Variants in ASXL2 observed in about 807,000 individuals in gnomAD.
ASXL2 encodes ASXL transcriptional regulator 2, also known as putative Polycomb group protein ASXL2.
ASXL2 carries 23 observed loss-of-function variants against 122.0 expected under a neutral mutation model. That is an observed-to-expected ratio of 0.19 (90% CI 0.14 to 0.27). ASXL2 has a LOEUF of 0.27. ASXL2 is among the 10% of genes least tolerant of loss of function. The pLI is 1.00. For synonymous variants in ASXL2, 650 were observed against 637.0 expected (o/e 1.02, Z -0.31); for missense variants, 1,518 against 1,713.8 (o/e 0.89, Z 2.02).
At chr2:25,784,023 C>A (rs1488784785) in intron 5 of ASXL2, among the ~76,000 whole-genome samples, 3 of 151,184 alleles carry the variant, frequency 2.0e-5, no homozygotes. Flanking sequence ...CACTGCACTC[C>A]AGCCTGGGCG....
At chr2:25,867,949 T>C (rs2089923151) in intron 1 of ASXL2, among the ~76,000 whole-genome samples, 1 of 152,216 alleles carries the variant, frequency 6.6e-6, no homozygotes. Context: ...GTATTACTAT[T>C]AGATTGCTAT....
intron 3 of ASXL2, among the ~76,000 whole-genome samples, chr2:25,807,889 A>C (rs763624757): frequency 6.6e-5 from 10 of 152,008 alleles, no homozygotes; most frequent in Non-Finnish European, 1.3e-4. Context: ...ATTTCCTGTG[A>C]AACAACTTTT....
intron 1 of ASXL2, among the ~76,000 whole-genome samples, chr2:25,875,368 T>C (rs2090001843): frequency 6.6e-6 from 1 of 152,112 alleles, no homozygotes; most frequent in Non-Finnish European, 1.5e-5. Context: ...CTTGGGAAGC[T>C]AGGACAGGAT....
intron 12 of ASXL2, among the ~76,000 whole-genome samples, chr2:25,747,719 T>C (rs999213269): frequency 2.0e-5 from 3 of 151,350 alleles, no homozygotes; most frequent in African/African-American, 7.3e-5. Context: ...AAGCTGTGAA[T>C]GACATTGAAG....
chr2:25,833,631 G>A (rs552865169), intron 3 of ASXL2, among the ~76,000 whole-genome samples: 24 of 152,228 alleles, frequency 1.6e-4, no homozygotes, highest in African/African-American at 5.5e-4. Flanking sequence ...AGGAGGCAGA[G>A]GTTGCAGTGA....
intron 1 of ASXL2, among the ~76,000 whole-genome samples, chr2:25,873,529 T>G (rs1207638749): frequency 1.3e-5 from 2 of 152,126 alleles, no homozygotes; most frequent in Non-Finnish European, 2.9e-5. Context: ...GATTAATATG[T>G]GATGACATCC....
At chr2:25,760,426 T>C (rs1427894507) in intron 8 of ASXL2, among the ~76,000 whole-genome samples, 2 of 152,100 alleles carry the variant, frequency 1.3e-5, no homozygotes, top group Non-Finnish European at 2.9e-5. Context: ...TATTTGTCTA[T>C]GAAAATGGCA....
At chr2:25,860,142 T>C (rs1438211613) in intron 1 of ASXL2, among the ~76,000 whole-genome samples, 1 of 151,410 alleles carries the variant, frequency 6.6e-6, no homozygotes, top group Non-Finnish European at 1.5e-5. Context: ...AGAAACCCCA[T>C]CTCTACTAAA....
chr2:25,818,380 G>A (rs540316995), intron 3 of ASXL2, among the ~76,000 whole-genome samples: 16 of 152,196 alleles, frequency 1.1e-4, no homozygotes, highest in Admixed American at 7.9e-4. Context: ...GCATGGTGGC[G>A]GGCACCTGTA....
chr2:25,846,530 C>T (rs927679236), intron 1 of ASXL2, among the ~76,000 whole-genome samples: 15 of 152,056 alleles, frequency 9.9e-5, no homozygotes, highest in Non-Finnish European at 1.9e-4. Flanking sequence ...TGCCTGTAAT[C>T]CCAGCTACTC....
intron 5 of ASXL2, among the ~76,000 whole-genome samples, chr2:25,780,023 A>G (rs2088608082): frequency 6.6e-6 from 1 of 152,294 alleles, no homozygotes; most frequent in East Asian, 1.9e-4. Context: ...GCCCACCACC[A>G]TGCCCAGCTA....
At chr2:25,809,874 A>G in intron 3 of ASXL2, 1 of 490,428 alleles carries the variant, frequency 2.0e-6, no homozygotes, top group South Asian at 1.5e-5. Flanking sequence ...CTGGCCTCAG[A>G]TGGAATCAGG....
chr2:25,878,397 A>G lies in ASXL2; in HGVS notation c.-175T>C. ...GCGGGGGTGGTGCGCGGGGGGGTCT[A>G]TGGGGCGGCCGGTCCTCTTGCTGCC... On this transcript the variant is annotated 5_prime_UTR_variant, in exon 1 of 13. It removes the in-frame stop codon of an upstream open reading frame in the 5' UTR. Coordinates refer to ENST00000435504, the MANE Select transcript of ASXL2 (RefSeq NM_018263.6). 1 of 608,366 alleles carries G rather than the reference A, an allele frequency of 1.6e-6. No homozygotes were observed. The allele number at this position is 608,366 out of a possible 1,614,324, so 37.7% of individuals were successfully genotyped here.
chr2:25,832,410 A>C (rs973978792), intron 3 of ASXL2, among the ~76,000 whole-genome samples: 1 of 152,150 alleles, frequency 6.6e-6, no homozygotes, highest in Non-Finnish European at 1.5e-5. Flanking sequence ...AGAATCCTAA[A>C]ATATGATCCA....
intron 1 of ASXL2, among the ~76,000 whole-genome samples, chr2:25,866,764 G>A (rs2089908421): frequency 6.6e-6 from 1 of 152,080 alleles, no homozygotes; most frequent in South Asian, 2.1e-4. Flanking sequence ...ATAGAGTCTT[G>A]CTCTGTTGCC....
intron 4 of ASXL2, among the ~76,000 whole-genome samples, chr2:25,804,880 T>C (rs2089056701): frequency 6.6e-6 from 1 of 152,046 alleles, no homozygotes; most frequent in Admixed American, 6.6e-5. Context: ...TGAAACCCCA[T>C]CTCTACTAAA....
rs561088610 is a variant in ASXL2 at position 25,742,034 on chromosome 2, G to T, written c.4303C>A (p.Arg1435=). ...SKLCVSCLVV[R] ...TGTATCTCTTTCTAGTCTCATTACC[G>T]AACGACAAGGCAGGAGACGCACAGT... is the stretch of plus-strand genomic sequence containing the variant. Residue 1435 remains arginine, a synonymous_variant, in exon 13 of 13, where the codon CGG becomes AGG. Coordinates refer to ENST00000435504, the MANE Select transcript of ASXL2 (RefSeq NM_018263.6). 1.1e-5 allele frequency: 18 copies of T among 1,610,640 alleles called. No individual in the cohort carries two copies. Among genetic ancestry groups the T allele is most frequent in the Non-Finnish European group, 1.5e-5 (18 of 1,177,698 alleles).
At chr2:25,768,335 G>A (rs763914022) in intron 7 of ASXL2, among the ~76,000 whole-genome samples, 3 of 151,876 alleles carry the variant, frequency 2.0e-5, no homozygotes, top group African/African-American at 4.8e-5. Context: ...ACAGTGTCTC[G>A]CTCTGTCATT....
rs779970745 is a variant in ASXL2, at chr2:25,878,236, C to G, written c.-14G>C. 1.2e-6 allele frequency: 2 copies of G among 1,613,764 alleles called. No homozygotes were observed. Among genetic ancestry groups the G allele is most frequent in the Admixed American group, 1.7e-5 (1 of 60,020 alleles). On this transcript the variant is annotated 5_prime_UTR_variant, in exon 1 of 13. Coordinates refer to ENST00000435504, the MANE Select transcript of ASXL2 (RefSeq NM_018263.6). ...CTTTTCCCTCATGTCGGGTCTTGAACTGACTGGGAGGCTCCCGTGTCCGGG... is the reference window on the plus strand; with the variant it reads ...CTTTTCCCTCATGTCGGGTCTTGAAGTGACTGGGAGGCTCCCGTGTCCGGG...
Sources: gnomAD v4.1 joint callset for allele counts (sites outside exome capture counted in the v4.1 genomes callset) on GRCh38, gnomAD v4.1.1 for gene constraint, MANE v1.5 for transcripts, NCBI Gene and HGNC (gene_info 2026-07-23, HGNC 2026-07-21) for gene names.